RNF180: variants seen among roughly 807,000 people sequenced by gnomAD.
RNF180 encodes ring finger protein 180.
In RNF180, 38 loss-of-function variants were observed where a neutral mutation model predicts 59.2. The observed-to-expected ratio is 0.64, with a 90% CI of 0.50 to 0.84. The LOEUF is 0.84. RNF180 is among the 40% of genes least tolerant of loss of function. The pLI is 0.00. For synonymous variants in RNF180, 262 were observed against 240.3 expected, an observed-to-expected ratio of 1.09 and a Z score of -0.84; for missense variants, 705 against 700.9, an observed-to-expected ratio of 1.01 and a Z score of -0.07.
intron 5 of RNF180, among the ~76,000 whole-genome samples, chr5:64,266,246 A>T (rs1744671419): frequency 6.6e-6 from 1 of 151,878 alleles, no homozygotes; most frequent in Admixed American, 6.6e-5. Flanking sequence ...AGGCAGGGCA[A>T]TCTTAATATG....
At chr5:64,267,961 G>T (rs1248304260) in intron 5 of RNF180, among the ~76,000 whole-genome samples, 1 of 152,110 alleles carries the variant, frequency 6.6e-6, no homozygotes, top group Non-Finnish European at 1.5e-5. Flanking sequence ...TTTAAATAGA[G>T]ATTAGGTAGA....
At chr5:64,196,235 C>T (rs1161913845) in intron 1 of RNF180, among the ~76,000 whole-genome samples, 1 of 150,732 alleles carries the variant, frequency 6.6e-6, no homozygotes, top group Non-Finnish European at 1.5e-5. Flanking sequence ...TGCTATAACT[C>T]TTATTTACTA....
intron 1 of RNF180, among the ~76,000 whole-genome samples, chr5:64,181,918 T>G (rs1278206273): frequency 6.6e-6 from 1 of 152,088 alleles, no homozygotes; most frequent in Admixed American, 6.6e-5. Context: ...CTTAATTGCT[T>G]TGGTCAGGTT....
intron 7 of RNF180, among the ~76,000 whole-genome samples, chr5:64,348,405 T>A (rs1193264004): frequency 6.6e-6 from 1 of 152,082 alleles, no homozygotes. Flanking sequence ...TATTCTGCAT[T>A]CCTTAGAGTC....
chr5:64,209,498 T>C (rs775961757), intron 2 of RNF180, among the ~76,000 whole-genome samples: 8 of 151,958 alleles, frequency 5.3e-5, no homozygotes, highest in Non-Finnish European at 1.2e-4. Flanking sequence ...GGCATATTAA[T>C]AAGTATGTCT....
chr5:64,251,659 T>G (rs1475041954), intron 5 of RNF180, among the ~76,000 whole-genome samples: 6 of 152,144 alleles, frequency 3.9e-5, no homozygotes, highest in South Asian at 2.1e-4. Context: ...TCAGGCAATC[T>G]TCCCACCTTG....
Position 64,369,602 on chromosome 5 carries a change from A to AT in RNF180, c.1580-12dup. 6.7e-7 allele frequency: 1 copy of AT among 1,486,860 alleles called. No homozygotes were observed. Among genetic ancestry groups the AT allele is most frequent in the East Asian group, 2.5e-5 (1 of 39,834 alleles). 92.1% of individuals were successfully genotyped at this position (1,486,860 alleles called of 1,614,324 possible). A position where few individuals can be genotyped will look rare whatever the true frequency, so the allele number is the denominator to read the frequency against. ...GAATTTAATGGGCTTTAATATGTTCATACATCTTCTAGGTTTCCGCAGACA... is the reference window on the plus strand; with the variant it reads ...GAATTTAATGGGCTTTAATATGTTCATTACATCTTCTAGGTTTCCGCAGACA... On this transcript the variant is annotated splice_polypyrimidine_tract_variant and intron_variant, in intron 7 of 7. Transcript: ENST00000389100.
chr5:64,302,730 T>C (rs529074184), intron 5 of RNF180, among the ~76,000 whole-genome samples: 4 of 151,776 alleles, frequency 2.6e-5, no homozygotes, highest in East Asian at 1.9e-4. Flanking sequence ...GTTAAACTTA[T>C]AAGATTTCCA....
At chr5:64,369,023 C>T (rs866427162) in intron 7 of RNF180, among the ~76,000 whole-genome samples, 9 of 152,020 alleles carry the variant, frequency 5.9e-5, no homozygotes, top group Admixed American at 1.3e-4. Flanking sequence ...ATGTTTATTG[C>T]GGCACTATTC....
chr5:64,329,657 C>T (rs550599680), intron 6 of RNF180, among the ~76,000 whole-genome samples: 38 of 152,106 alleles, frequency 2.5e-4, no homozygotes, highest in African/African-American at 8.4e-4. Context: ...GGGGTTCCAC[C>T]ATGTTGGCCA....
At chr5:64,250,046 G>A (rs542364795) in intron 5 of RNF180, among the ~76,000 whole-genome samples, 1 of 152,220 alleles carries the variant, frequency 6.6e-6, no homozygotes, top group Admixed American at 6.5e-5. Flanking sequence ...ACATTCTCCA[G>A]GATAGTATAA....
chr5:64,286,260 C>A (rs1039031207), intron 5 of RNF180, among the ~76,000 whole-genome samples: 2 of 152,122 alleles, frequency 1.3e-5, no homozygotes, highest in African/African-American at 4.8e-5. Context: ...GTTTTTGTAA[C>A]CAGAACTATG....
intron 5 of RNF180, among the ~76,000 whole-genome samples, chr5:64,265,780 T>G (rs1012848005): frequency 2.0e-5 from 3 of 152,134 alleles, no homozygotes; most frequent in Non-Finnish European, 4.4e-5. Context: ...AGTGGTAGTT[T>G]GGGAATAGCA....
At chr5:64,184,709 A>G (rs962420088) in intron 1 of RNF180, among the ~76,000 whole-genome samples, 6 of 152,200 alleles carry the variant, frequency 3.9e-5, no homozygotes, top group African/African-American at 1.4e-4. Context: ...AAATTTATAT[A>G]AAGTATCCCT....
intron 5 of RNF180, among the ~76,000 whole-genome samples, chr5:64,232,354 G>T (rs1192804905): frequency 1.3e-5 from 2 of 152,136 alleles, no homozygotes; most frequent in Non-Finnish European, 2.9e-5. Flanking sequence ...TGCAGACATT[G>T]TAAGTGTTAT....
chr5:64,368,825 G>C (rs1260110693), intron 7 of RNF180, among the ~76,000 whole-genome samples: 5 of 151,958 alleles, frequency 3.3e-5, no homozygotes, highest in Admixed American at 6.6e-5. Flanking sequence ...TGCTGGAGAG[G>C]ATGTGGAGAA....
intron 7 of RNF180, among the ~76,000 whole-genome samples, chr5:64,351,752 G>A (rs1337581799): frequency 6.6e-6 from 1 of 151,724 alleles, no homozygotes; most frequent in Non-Finnish European, 1.5e-5. Flanking sequence ...CAGGGATGAA[G>A]CCCACTTGAT....
intron 2 of RNF180, among the ~76,000 whole-genome samples, chr5:64,210,032 A>T (rs551593525): frequency 5.9e-5 from 9 of 151,892 alleles, no homozygotes; most frequent in Non-Finnish European, 1.3e-4. Flanking sequence ...CTGAACTGTT[A>T]TTGTAAATTA....
At chr5:64,321,049 G>A (rs1397749134) in intron 5 of RNF180, among the ~76,000 whole-genome samples, 1 of 151,652 alleles carries the variant, frequency 6.6e-6, no homozygotes, top group East Asian at 1.9e-4. Context: ...AAAAAAAAAA[G>A]GGAAAGAAAA....
Sources: allele counts gnomAD v4.1 joint callset (sites outside exome capture counted in the v4.1 genomes callset), GRCh38; gene constraint gnomAD v4.1.1; transcripts MANE v1.5; gene names NCBI Gene and HGNC (gene_info 2026-07-23, HGNC 2026-07-21).